Variants in POLRMT observed in about 807,000 individuals in gnomAD.
The protein encoded by POLRMT is RNA polymerase mitochondrial, also known as DNA-directed RNA polymerase, mitochondrial.
Under a neutral mutation model 132.2 loss-of-function variants are expected in POLRMT, and 114 were observed. That is an observed-to-expected ratio of 0.86 (90% CI 0.74 to 1.01). The LOEUF is 1.01. POLRMT is among the 50% of genes least tolerant of loss of function. POLRMT has a pLI of 0.00. For missense variants in POLRMT, 2,003 were observed against 1,729.1 expected (o/e 1.16, Z -2.81); for synonymous variants, 1,020 against 773.4 (o/e 1.32, Z -5.29).
chr19:621,369 C>A lies in POLRMT; in HGVS notation c.2329G>T (p.Ala777Ser). ...AGCGAGAGGCGGTACAGCGCCTCCG[C>A]CCGCAGGCTGTGCATCTCCCGGGCC... The part of the protein sequence containing the change: ...KVAREMHSLR[A>S]EALYRLSLAQ... Residue 777 changes from alanine (A) to serine (S), a missense_variant, in exon 10 of 21, where the codon GCG becomes TCG. Physicochemically the swap from Ala to Ser is moderately conservative, Grantham distance 99. Transcript: ENST00000588649. The A allele has an allele frequency of 6.4e-7, 1 of 1,559,812 alleles. No homozygotes were observed. The highest frequency in any genetic ancestry group is 1.4e-5 in the African/African-American group (1 of 73,676).
rs373843623 is a variant in POLRMT, at chr19:617,328, G to C, written c.3644-5C>G. 5.0e-6 allele frequency: 8 copies of C among 1,612,780 alleles called. No individual in the cohort carries two copies. Among genetic ancestry groups the C allele is most frequent in the African/African-American group, 1.3e-5 (1 of 74,912 alleles). ...CCTGCTCCAGGTCGAAGGCCCCTGC[G>C]GAGGAAGCAGAGCGGACGGCGTGGG... On this transcript the variant is annotated splice_region_variant and splice_polypyrimidine_tract_variant and intron_variant, in intron 20 of 20. Coordinates refer to ENST00000588649, the MANE Select transcript of POLRMT (RefSeq NM_005035.4).
intron 9 of POLRMT, 100 bp downstream of exon 9, chr19:622,049 C>T: frequency 1.6e-6 from 2 of 1,236,060 alleles, no homozygotes; most frequent in Non-Finnish European, 1.1e-6. Flanking sequence ...GTACTGACGG[C>T]TGCGCTGAGA....
chr19:624,835 C>T lies in POLRMT; in HGVS notation c.1024G>A (p.Glu342Lys). ...GCCTTCAGAACAGTGGCCCGATCCTCCTCAGACAGCAGAACGGCGGTGAAG... is the reference window on the plus strand; with the variant it reads ...GCCTTCAGAACAGTGGCCCGATCCTTCTCAGACAGCAGAACGGCGGTGAAG... The part of the protein sequence containing the change: ...ALFTAVLLSE[E>K]DRATVLKAVH... The change falls in exon 5 of 21, where the codon GAG (glutamate) becomes AAG (lysine). Residue 342 changes from glutamate (E) to lysine (K), a missense_variant. Transcript: ENST00000588649. The T allele has an allele frequency of 1.2e-6, 2 of 1,613,438 alleles. No homozygotes were observed. Among genetic ancestry groups the T allele is most frequent in the Non-Finnish European group, 1.7e-6 (2 of 1,179,992 alleles).
Position 622,182 on chromosome 19 carries a change from G to C in POLRMT, c.1818C>G (p.Leu606=), listed in dbSNP as rs764895164. ...PHRSSRLVPV[L]YHVYSFRNVQ... ...CGTTGCGGAAGGAATACACGTGGTAGAGCACGGGGACAAGCCGAGAGGAAC... is the reference window on the plus strand; with the variant it reads ...CGTTGCGGAAGGAATACACGTGGTACAGCACGGGGACAAGCCGAGAGGAAC... Residue 606 remains leucine, a synonymous_variant, in exon 9 of 21, where the codon CTC becomes CTG. Coordinates refer to ENST00000588649, the MANE Select transcript of POLRMT (RefSeq NM_005035.4). 6.4e-7 allele frequency: 1 copy of C among 1,572,146 alleles called. No homozygotes were observed. Among genetic ancestry groups the C allele is most frequent in the South Asian group, 1.2e-5 (1 of 86,654 alleles).
Position 626,898 on chromosome 19 carries a change from C to CATAT in POLRMT, c.823-1648_823-1645dup, listed in dbSNP as rs113561619. Reference sequence around the variant, plus strand: ...CTGTCTTAAAATATACACACACACACATATATATATATATATAAAATAACA... The same window carrying CATAT: ...CTGTCTTAAAATATACACACACACACATATATATATATATATATATAAAATAACA... On this transcript the variant is annotated intron_variant, in intron 3 of 20. Transcript: ENST00000588649. Among the ~76,000 whole-genome samples the CATAT allele has an allele frequency of 2.7e-3, 402 of 146,720 alleles. 2 individuals are homozygous for CATAT. Among genetic ancestry groups the CATAT allele is most frequent in the African/African-American group, 9.2e-3 (365 of 39,524 alleles).
intron 6 of POLRMT, 92 bp downstream of exon 6, chr19:623,362 G>A: frequency 3.9e-6 from 6 of 1,540,864 alleles, no homozygotes; most frequent in Non-Finnish European, 5.2e-6. Context: ...AGCCCCTGCG[G>A]CGGACACGGG....
At chr19:622,787 G>T in intron 7 of POLRMT, 34 bp downstream of exon 7, 1 of 1,571,536 alleles carries the variant, frequency 6.4e-7, no homozygotes, top group Non-Finnish European at 8.6e-7. Context: ...TGCCCGCCCC[G>T]CCCGGGGACC....
In POLRMT at chr19:622,363, G is replaced by A; in HGVS notation, c.1637C>T (p.Pro546Leu). ...LLASDAEVPE[P>L]CLPRQYWEEL... Reference sequence around the variant, plus strand: ...CTCCCAGTACTGCCGCGGCAGGCAGGGCTCGGGCACCTGTAGGACAGGGCG... The same window carrying A: ...CTCCCAGTACTGCCGCGGCAGGCAGAGCTCGGGCACCTGTAGGACAGGGCG... Residue 546 changes from proline to leucine, a missense_variant, in exon 9 of 21, where the codon CCC becomes CTC. Physicochemically the swap from Pro to Leu is moderately conservative, Grantham distance 98. Coordinates refer to ENST00000588649, the MANE Select transcript of POLRMT (RefSeq NM_005035.4). 1.9e-6 allele frequency: 3 copies of A among 1,550,486 alleles called. No individual in the cohort carries two copies. Among genetic ancestry groups the A allele is most frequent in the Non-Finnish European group, 2.6e-6 (3 of 1,149,302 alleles).
chr19:629,412 A>G, intron 3 of POLRMT, 128 bp downstream of exon 3: 1 of 1,041,370 alleles, frequency 9.6e-7, no homozygotes, highest in East Asian at 2.8e-5. Context: ...AAAAGCCTAA[A>G]AGAATTATTA....
At chr19:633,368 CGGGGAGGAGCCCACGCCGT>C (rs1424202329) in intron 1 of POLRMT, 38 bp downstream of exon 1, 4 of 1,425,652 alleles carry the variant, frequency 2.8e-6, no homozygotes, top group Non-Finnish European at 3.7e-6. Context: ...CCCGGCCGCG[CGGGGAGGAGCCCACGCCGT>C]GGCCCCCGGG....
chr19:628,327 G>T (rs1985167408), intron 3 of POLRMT, among the ~76,000 whole-genome samples: 1 of 152,172 alleles, frequency 6.6e-6, no homozygotes, highest in South Asian at 2.1e-4. Context: ...GACCTTGGAG[G>T]GGAAAATACA....
At position 618,552 on chromosome 19, in the gene POLRMT, G is replaced by A; in HGVS notation, c.3358C>T (p.Pro1120Ser). The A allele has an allele frequency of 6.2e-7, 1 of 1,613,396 alleles. No individual in the cohort carries two copies. Among genetic ancestry groups the A allele is most frequent in the East Asian group, 2.2e-5 (1 of 44,866 alleles). The change falls in exon 17 of 21, where the codon CCG (proline) becomes TCG (serine). Residue 1120 changes from proline (P) to serine (S), a missense_variant. By Grantham distance (74) the Pro-to-Ser change is moderately conservative. Transcript: ENST00000588649. Reference sequence around the variant, plus strand: ...TCCAGCGAGTGGATGAAGTTGGGCGGGAAGCCGTTCTTCTGCTTACGTGTG... The same window carrying A: ...TCCAGCGAGTGGATGAAGTTGGGCGAGAAGCCGTTCTTCTGCTTACGTGTG... ...PNTRKQKNGF[P>S]PNFIHSLDSS...
At chr19:620,311 C>T in intron 11 of POLRMT, 54 bp downstream of exon 11, 13 of 1,497,108 alleles carry the variant, frequency 8.7e-6, no homozygotes, top group Non-Finnish European at 1.1e-5. Context: ...TCAAGTCGAG[C>T]CCCAGGCCCA....
At chr19:623,722 C>T (rs1486614685) in intron 5 of POLRMT, 119 bp from the exon 6 acceptor site, 28 of 1,275,064 alleles carry the variant, frequency 2.2e-5, no homozygotes, top group East Asian at 4.8e-5. Context: ...TGGTGGCTAT[C>T]GCTGACGCGG....
rs755137639 is a variant in POLRMT at position 618,776 on chromosome 19, G to A, written c.3268-16C>T. The A allele has an allele frequency of 4.4e-6, 7 of 1,586,146 alleles. No homozygotes were observed. Among genetic ancestry groups the A allele is most frequent in the East Asian group, 4.6e-5 (2 of 43,222 alleles). On this transcript the variant is annotated splice_polypyrimidine_tract_variant and intron_variant, in intron 15 of 20. Coordinates refer to ENST00000588649, the MANE Select transcript of POLRMT (RefSeq NM_005035.4). ...CTCCTATTTGCTAAAAAGGGGAAGG[G>A]GCCGGTGAGTCCCACCCGAGGCCCA...
intron 2 of POLRMT, among the ~76,000 whole-genome samples, chr19:632,458 C>T (rs888038468): frequency 6.6e-6 from 1 of 152,122 alleles, no homozygotes; most frequent in Non-Finnish European, 1.5e-5. Flanking sequence ...GCGCCTACCC[C>T]CCAGAGCCAA....
Position 622,641 on chromosome 19 carries a change from C to T in POLRMT, c.1567G>A (p.Val523Met), listed in dbSNP as rs1489258917. The T allele has an allele frequency of 2.5e-6, 4 of 1,607,494 alleles. No homozygotes were observed. Among genetic ancestry groups the T allele is most frequent in the Admixed American group, 1.7e-5 (1 of 59,670 alleles). ...VVQRQRVSGQ[V>M]QALQNHYRKY... ...CTGTAGTGGTTCTGCAGCGCCTGCA[C>T]CTGGCCACTGACCCGCTGCCTCTGC... The change falls in exon 8 of 21, where the codon GTG (valine) becomes ATG (methionine). Residue 523 changes from valine (V) to methionine (M), a missense_variant. By Grantham distance (21) the Val-to-Met change is conservative. Transcript: ENST00000588649.
chr19:620,234 C>T, intron 11 of POLRMT, 131 bp downstream of exon 11: 1 of 1,452,328 alleles, frequency 6.9e-7, no homozygotes, highest in Non-Finnish European at 9.2e-7. Flanking sequence ...GACCAGGAGC[C>T]ATGGCTCCCG....
rs1215052211 is a variant in POLRMT at position 621,694 on chromosome 19, G to A, written c.2004C>T (p.Thr668=). The change falls in exon 10 of 21, where the codon ACC becomes ACT. Residue 668 remains threonine (T), a synonymous_variant. Transcript: ENST00000588649. The part of the protein sequence containing the change: ...PHSGAFLLSP[T]KLMRTVEGAT... ...CGCCTTCCACCGTGCGCATCAGCTT[G>A]GTGGGGCTGAGCAGGAAAGCACCAG... 7.6e-6 allele frequency: 12 copies of A among 1,584,430 alleles called. No individual in the cohort carries two copies. The highest frequency in any genetic ancestry group is 9.4e-6 in the Non-Finnish European group (11 of 1,168,444).
Sources: gnomAD v4.1 joint callset for allele counts (sites outside exome capture counted in the v4.1 genomes callset) on GRCh38, gnomAD v4.1.1 for gene constraint, MANE v1.5 for transcripts, NCBI Gene and HGNC (gene_info 2026-07-23, HGNC 2026-07-21) for gene names.